Variants in CCDC159 observed in about 807,000 individuals in gnomAD.
The protein encoded by CCDC159 is coiled-coil domain-containing protein 159.
In CCDC159, 40 loss-of-function variants were observed where a neutral mutation model predicts 50.9. That is an observed-to-expected ratio of 0.79 (90% CI 0.61 to 1.02). CCDC159 has a LOEUF of 1.02. Among genes scored for constraint, CCDC159 ranks in the 50% least tolerant of loss-of-function variants. CCDC159 has a pLI of 0.00. For missense variants in CCDC159, 356 were observed against 371.5 expected (o/e 0.96, Z 0.34); for synonymous variants, 146 against 138.9 (o/e 1.05, Z -0.36).
At position 11,352,082 on chromosome 19, in the gene CCDC159, G is replaced by A; in HGVS notation, c.516G>A (p.Glu172=). The stretch of plus-strand genomic sequence containing the variant: ...AAGCGCAGGAGGATGAGATCTCAGA[G>A]AACTTGGTGAACATTCAGAAAATGC... ...KLQAQEDEIS[E]NLVNIQKMQK... Residue 172 remains glutamate, a synonymous_variant, in exon 7 of 11, where the codon GAG becomes GAA. Transcript: ENST00000458408. The A allele has an allele frequency of 1.2e-6, 2 of 1,613,802 alleles. No individual in the cohort carries two copies. The highest frequency in any genetic ancestry group is 1.7e-6 in the Non-Finnish European group (2 of 1,179,814).
chr19:11,349,715 G>A, intron 2 of CCDC159, 28 bp downstream of exon 2: 1 of 1,540,532 alleles, frequency 6.5e-7, no homozygotes, highest in Non-Finnish European at 9.0e-7. Flanking sequence ...CAACAAAACT[G>A]TGTGGGGAAG....
Position 11,353,438 on chromosome 19 carries a change from C to T in CCDC159, c.568-13C>T. The T allele has an allele frequency of 6.4e-7, 1 of 1,558,278 alleles. No homozygotes were observed. The highest frequency in any genetic ancestry group is 8.7e-7 in the Non-Finnish European group (1 of 1,150,176). On this transcript the variant is annotated splice_polypyrimidine_tract_variant and intron_variant, in intron 7 of 10. Coordinates refer to ENST00000458408, the MANE Select transcript of CCDC159 (RefSeq NM_001080503.3). ...TATTATGACTGCTGTTCTCTCATCC[C>T]TCCCCACCCCAGATCCTGACCAAGA...
rs1400519422 is a variant in CCDC159, at chr19:11,354,939, C to A, written c.*62C>A. 1.3e-6 allele frequency: 2 copies of A among 1,557,318 alleles called. No individual in the cohort carries two copies. The highest frequency in any genetic ancestry group is 1.8e-6 in the Non-Finnish European group (2 of 1,128,772). ...GAGAAAATAAACTAGCCCAGACCCT[C>A]CTCTAGCCCCGACTGTTAGTCTTGC... On this transcript the variant is annotated 3_prime_UTR_variant, in exon 11 of 11. Coordinates refer to ENST00000458408, the MANE Select transcript of CCDC159 (RefSeq NM_001080503.3).
At chr19:11,354,747 C>T (rs939415708) in intron 10 of CCDC159, 51 bp downstream of exon 10, 1 of 1,609,110 alleles carries the variant, frequency 6.2e-7, no homozygotes, top group African/African-American at 1.3e-5. Flanking sequence ...CCTGACCTGC[C>T]CTTGACTCCC....
chr19:11,352,001 T>G (rs1967612764), intron 6 of CCDC159, 28 bp downstream of exon 6: 1 of 1,612,160 alleles, frequency 6.2e-7, no homozygotes, highest in African/African-American at 1.3e-5. Flanking sequence ...ACAGCCGGTG[T>G]GTGGGGAGGG....
At chr19:11,353,997 TAGTGTTCTGGGGTCACATTAAGG>T in intron 9 of CCDC159, 123 bp downstream of exon 9, 2 of 761,454 alleles carry the variant, frequency 2.6e-6, no homozygotes, top group Non-Finnish European at 4.2e-6. Context: ...TCACATTAAG[TAGTGTTCTGGGGTCACATTAAGG>T]AGTCACTGGA....
Position 11,353,581 on chromosome 19 carries a change from C to A in CCDC159, c.689+9C>A, listed in dbSNP as rs751503782. ...GAACTGAGTGATATATGGTGATGCC[C>A]AGCCTGCAGTCTGACCCCTGACCCT... is the stretch of plus-strand genomic sequence containing the variant. On this transcript the variant is annotated intron_variant, in intron 8 of 10. Coordinates refer to ENST00000458408, the MANE Select transcript of CCDC159 (RefSeq NM_001080503.3). The A allele has an allele frequency of 4.3e-6, 7 of 1,611,078 alleles. No individual in the cohort carries two copies. Among genetic ancestry groups the A allele is most frequent in the Non-Finnish European group, 5.9e-6 (7 of 1,177,672 alleles).
chr19:11,354,371 C>T (rs968487752), intron 9 of CCDC159, among the ~76,000 whole-genome samples: 2 of 151,952 alleles, frequency 1.3e-5, no homozygotes, highest in South Asian at 4.1e-4. Context: ...GTCTGGGCAA[C>T]AGAGCGAGAC....
chr19:11,349,680 A>C lies in CCDC159; in HGVS notation c.48A>C (p.Lys16Asn). The change falls in exon 2 of 11, where the codon AAA becomes AAC. Residue 16 changes from lysine to asparagine, a missense_variant. Lys to Asn is a moderately conservative substitution (Grantham distance 94). Transcript: ENST00000458408. ...AGCCCTTGGAGACCAGCTCTTCCAA[A>C]GTCAAAGGTGAGAAATCTCCTTTCC... is the stretch of plus-strand genomic sequence containing the variant. The part of the protein sequence containing the change: ...QVKPLETSSS[K>N]VKAKTIVMIP... 1 of 1,610,446 alleles carries C rather than the reference A, an allele frequency of 6.2e-7. No individual in the cohort carries two copies. The highest frequency in any genetic ancestry group is 8.5e-7 in the Non-Finnish European group (1 of 1,177,110).
intron 1 of CCDC159, chr19:11,348,980 A>G (rs1336834935): frequency 7.5e-7 from 1 of 1,338,796 alleles, no homozygotes; most frequent in Admixed American, 2.0e-5. Context: ...TTCCTCGGAC[A>G]AGGCTCTGGA....
intron 5 of CCDC159, 156 bp from the exon 6 acceptor site, chr19:11,351,750 G>A (rs1967594610): frequency 1.7e-6 from 1 of 605,650 alleles, no homozygotes; most frequent in African/African-American, 2.0e-5. Flanking sequence ...GAGAGGAGGG[G>A]GATGAGGGTA....
intron 1 of CCDC159, chr19:11,349,056 CAGTG>C: frequency 7.4e-7 from 1 of 1,343,112 alleles, no homozygotes; most frequent in Non-Finnish European, 9.8e-7. Flanking sequence ...TCTGGGGACA[CAGTG>C]AGGACTGCAG....
rs139326572 is a variant in CCDC159 at position 11,348,478 on chromosome 19, G to A, written c.22-1176G>A. On this transcript the variant is annotated intron_variant, in intron 1 of 10. Coordinates refer to ENST00000458408, the MANE Select transcript of CCDC159 (RefSeq NM_001080503.3). ...TAGTTTTTGTATTTTTAGTAGAGACGGGGTTTCACCATATTGGCCACGCTG... is the reference window on the plus strand; with the variant it reads ...TAGTTTTTGTATTTTTAGTAGAGACAGGGTTTCACCATATTGGCCACGCTG... 1.2e-4 allele frequency among the ~76,000 whole-genome samples: 19 copies of A among 152,224 alleles called. No homozygotes were observed. In the East Asian group the frequency reaches 3.5e-3, roughly 28 times the overall value.
chr19:11,349,916 T>TCACCCTCTCCTCTGCC (rs752407749), intron 2 of CCDC159, 22 bp from the exon 3 acceptor site: 5 of 1,612,174 alleles, frequency 3.1e-6, no homozygotes. Context: ...CAGCCCTGGC[T>TCACCCTCTCCTCTGCC]CACCCTCTTC....
At chr19:11,349,079 C>T (rs1446565418) in intron 1 of CCDC159, 1 of 1,346,188 alleles carries the variant, frequency 7.4e-7, no homozygotes, top group South Asian at 1.2e-5. Flanking sequence ...AGACTGCAGG[C>T]CAGGGTGGGG....
chr19:11,354,113 C>T (rs1477450463), intron 9 of CCDC159, among the ~76,000 whole-genome samples: 3 of 152,188 alleles, frequency 2.0e-5, no homozygotes, highest in Non-Finnish European at 4.4e-5. Flanking sequence ...CACAGTGGCT[C>T]ATGCCTGTAA....
rs754805580 is a variant in CCDC159 at position 11,351,015 on chromosome 19, C to T, written c.422+12C>T. On this transcript the variant is annotated intron_variant, in intron 5 of 10. Coordinates refer to ENST00000458408, the MANE Select transcript of CCDC159 (RefSeq NM_001080503.3). ...GAGATCCGGGACAGGTCGGGGATGGCGGGAGGGCAGCTTGGAGTCCACAGG... is the reference window on the plus strand; with the variant it reads ...GAGATCCGGGACAGGTCGGGGATGGTGGGAGGGCAGCTTGGAGTCCACAGG... 22 of 1,489,570 alleles carry T rather than the reference C, an allele frequency of 1.5e-5. No homozygotes were observed. In the South Asian group the frequency reaches 2.2e-4, roughly 15 times the overall value. The allele number at this position is 1,489,570 out of a possible 1,614,324, so 92.3% of individuals were successfully genotyped here.
chr19:11,353,287 A>T (rs767164429), intron 7 of CCDC159, 164 bp from the exon 8 acceptor site: 5 of 594,716 alleles, frequency 8.4e-6, no homozygotes, highest in Non-Finnish European at 1.1e-5. Flanking sequence ...TTTTTAGTAG[A>T]GATGCGGTTT....
At chr19:11,348,224 T>G (rs1471916228) in intron 1 of CCDC159, 1 of 446,790 alleles carries the variant, frequency 2.2e-6, no homozygotes, top group Non-Finnish European at 4.5e-6. Flanking sequence ...TTTTTTTTCT[T>G]TGGGGCCTTC....
Sources: gnomAD v4.1 joint callset for allele counts (sites outside exome capture counted in the v4.1 genomes callset) on GRCh38, gnomAD v4.1.1 for gene constraint, MANE v1.5 for transcripts, NCBI Gene and HGNC (gene_info 2026-07-23, HGNC 2026-07-21) for gene names.